The following MEGF9 variants were observed in gnomAD, a reference collection of about 807,000 sequenced individuals.
MEGF9 encodes multiple EGF like domains 9.
A neutral mutation model predicts 46.8 loss-of-function variants in MEGF9; 6 were observed. That is an observed-to-expected ratio of 0.13 (90% CI 0.07 to 0.25). The LOEUF (loss-of-function observed/expected upper bound fraction) is 0.25, where lower values mean the gene tolerates loss of function less well. Among genes scored for constraint, MEGF9 ranks in the 10% least tolerant of loss-of-function variants. The pLI is 1.00. For synonymous variants in MEGF9, 302 were observed against 330.7 expected, an observed-to-expected ratio of 0.91 and a Z score of 0.94; for missense variants, 683 against 792.4, an observed-to-expected ratio of 0.86 and a Z score of 1.66.
In MEGF9 at chr9:120,612,464, G is replaced by C; in HGVS notation, c.1019C>G (p.Pro340Arg). 6.2e-7 allele frequency: 1 copy of C among 1,613,622 alleles called. No homozygotes were observed. The highest frequency in any genetic ancestry group is 8.5e-7 in the Non-Finnish European group (1 of 1,179,692). ...EECKEGFYQSPDATKECLRCP... is the reference protein window; with the variant it reads ...EECKEGFYQSRDATKECLRCP... ...GCGAAGACATTCTTTAGTGGCATCA[G>C]GACTCTGATAAAATCCTTCTTTACA... is the stretch of plus-strand genomic sequence containing the variant. Residue 340 changes from proline to arginine, a missense_variant, in exon 4 of 6, where the codon CCT becomes CGT. Pro to Arg is a moderately radical substitution (Grantham distance 103). Transcript: ENST00000373930.
At chr9:120,713,452 A>C (rs934805741) in intron 1 of MEGF9, among the ~76,000 whole-genome samples, 1 of 152,168 alleles carries the variant, frequency 6.6e-6, no homozygotes, top group Non-Finnish European at 1.5e-5. Context: ...GCGCGAACCC[A>C]ACCCAAAAGT....
At chr9:120,666,567 C>T (rs1457789100) in intron 1 of MEGF9, among the ~76,000 whole-genome samples, 1 of 152,172 alleles carries the variant, frequency 6.6e-6, no homozygotes, top group Non-Finnish European at 1.5e-5. Flanking sequence ...ATAGTAGAGA[C>T]ACTTTGGAAA....
rs570290974 is a variant in MEGF9 at position 120,629,793 on chromosome 9, C to T, written c.804-7038G>A. Among the ~76,000 whole-genome samples the T allele has an allele frequency of 3.5e-3, 539 of 152,138 alleles. 3 individuals are homozygous for T. The highest frequency in any genetic ancestry group is 4.7e-3 in the Non-Finnish European group (318 of 67,994). On this transcript the variant is annotated intron_variant, in intron 2 of 5. Coordinates refer to ENST00000373930, the MANE Select transcript of MEGF9 (RefSeq NM_001080497.3). ...ACTAAAAATACAAAAATTAGCTAGG[C>T]GTGGTGGCACGCACCTGTAGTCCCA... is the stretch of plus-strand genomic sequence containing the variant.
chr9:120,694,879 T>C (rs1281015351), intron 1 of MEGF9, among the ~76,000 whole-genome samples: 3 of 152,204 alleles, frequency 2.0e-5, no homozygotes, highest in Non-Finnish European at 2.9e-5. Flanking sequence ...TATTATAATA[T>C]GGTGCTTTGA....
intron 1 of MEGF9, among the ~76,000 whole-genome samples, chr9:120,685,785 G>A (rs1230001427): frequency 6.6e-6 from 1 of 152,084 alleles, no homozygotes; most frequent in Non-Finnish European, 1.5e-5. Context: ...ATTCATAGCA[G>A]CACTATTCAC....
At chr9:120,637,998 C>A (rs761771756) in intron 2 of MEGF9, among the ~76,000 whole-genome samples, 2 of 151,488 alleles carry the variant, frequency 1.3e-5, no homozygotes, top group Non-Finnish European at 2.9e-5. Flanking sequence ...TTTTTTTTAA[C>A]CTTTTTCTTT....
intron 1 of MEGF9, among the ~76,000 whole-genome samples, chr9:120,668,906 A>G (rs2043736877): frequency 6.6e-6 from 1 of 152,198 alleles, no homozygotes; most frequent in Non-Finnish European, 1.5e-5. Context: ...ATGTCTTTTC[A>G]CTTTAAGAAG....
intron 2 of MEGF9, among the ~76,000 whole-genome samples, chr9:120,655,561 T>C (rs1257711775): frequency 1.3e-5 from 2 of 152,220 alleles, no homozygotes; most frequent in Non-Finnish European, 2.9e-5. Flanking sequence ...ACCTCTTGCA[T>C]GAATCGTCCA....
chr9:120,627,632 T>C (rs1393713591), intron 2 of MEGF9, among the ~76,000 whole-genome samples: 1 of 152,104 alleles, frequency 6.6e-6, no homozygotes, highest in Non-Finnish European at 1.5e-5. Flanking sequence ...CCGGCTAATT[T>C]TTGTATTTTT....
rs149405347 is a variant in MEGF9, at chr9:120,688,753, CAGG to C, written c.601+25002_601+25004del. 5.8e-3 allele frequency among the ~76,000 whole-genome samples: 883 copies of C among 152,230 alleles called. 12 individuals carry two copies. Among genetic ancestry groups the C allele is most frequent in the African/African-American group, 0.02 (846 of 41,528 alleles). ...ATAGGAAGCGTATGGTAAGTATATG[CAGG>C]AGTTTTTCATTTTACATGTTCTTTA... On this transcript the variant is annotated intron_variant, in intron 1 of 5. Transcript: ENST00000373930.
intron 4 of MEGF9, among the ~76,000 whole-genome samples, chr9:120,611,887 A>AGAG (rs1564411734): frequency 2.3e-4 from 17 of 75,344 alleles, no homozygotes; most frequent in East Asian, 2.0e-3. Context: ...GAGAGAGAGA[A>AGAG]AGAAAGAAAG....
chr9:120,707,858 C>A (rs577164535), intron 1 of MEGF9, among the ~76,000 whole-genome samples: 1 of 152,242 alleles, frequency 6.6e-6, no homozygotes, highest in South Asian at 2.1e-4. Context: ...GCCTGACCAA[C>A]ATGGTGAAAC....
chr9:120,659,974 A>G (rs1173280604), intron 1 of MEGF9, among the ~76,000 whole-genome samples: 2 of 150,810 alleles, frequency 1.3e-5, no homozygotes, highest in African/African-American at 4.9e-5. Context: ...TTGGCAACCG[A>G]TTCAAGGTCA....
intron 3 of MEGF9, among the ~76,000 whole-genome samples, chr9:120,618,362 T>C (rs936472891): frequency 2.6e-5 from 4 of 152,170 alleles, no homozygotes; most frequent in Non-Finnish European, 5.9e-5. Context: ...GTAAGTATCA[T>C]TGGGGAGTAG....
At chr9:120,667,056 A>G (rs200915478) in intron 1 of MEGF9, among the ~76,000 whole-genome samples, 4 of 152,222 alleles carry the variant, frequency 2.6e-5, no homozygotes, top group Non-Finnish European at 4.4e-5. Flanking sequence ...AGTAAATTTC[A>G]TTGGATATAA....
intron 1 of MEGF9, among the ~76,000 whole-genome samples, chr9:120,687,670 CTG>C (rs71385077): frequency 0.013 from 1,876 of 142,012 alleles, 38 homozygotes; most frequent in African/African-American, 0.039. Flanking sequence ...GAACACAACA[CTG>C]TGTGTGTGTG....
chr9:120,707,207 A>G (rs970372321), intron 1 of MEGF9, among the ~76,000 whole-genome samples: 3 of 152,356 alleles, frequency 2.0e-5, no homozygotes, highest in African/African-American at 7.2e-5. Context: ...GAACATAGTA[A>G]GTGTGCTTGT....
intron 1 of MEGF9, among the ~76,000 whole-genome samples, chr9:120,678,597 T>G (rs2120229): frequency 0.41 from 62,255 of 151,906 alleles, 15,903 homozygotes; most frequent in South Asian, 0.68. Flanking sequence ...CTCAGCCTCC[T>G]GAACAGCTGG....
In MEGF9 at chr9:120,612,365, T is replaced by C. The variant is rs1389791556; in HGVS notation, c.1087+31A>G. On this transcript the variant is annotated intron_variant, in intron 4 of 5. Coordinates refer to ENST00000373930, the MANE Select transcript of MEGF9 (RefSeq NM_001080497.3). ...TATTGATAACTGATTTTTTTTTCCC[T>C]CTAAAATGAAAAGTTAGAGAAAGGC... 3 of 1,591,898 alleles carry C rather than the reference T, an allele frequency of 1.9e-6. No homozygotes were observed. The Admixed American group carries it at 5.5e-5, about 29-fold the overall frequency.
Sources: gnomAD v4.1 joint callset for allele counts (sites outside exome capture counted in the v4.1 genomes callset) on GRCh38, gnomAD v4.1.1 for gene constraint, MANE v1.5 for transcripts, NCBI Gene and HGNC (gene_info 2026-07-23, HGNC 2026-07-21) for gene names.